Variants in MACROD2 observed in about 807,000 individuals in gnomAD.
The protein encoded by MACROD2 is ADP-ribose glycohydrolase MACROD2.
In MACROD2, 36 loss-of-function variants were observed where a neutral mutation model predicts 70.4. The ratio of observed to expected loss-of-function variants is 0.51; its 90% CI spans 0.39 to 0.68. The LOEUF is 0.68. Among genes scored for constraint, MACROD2 ranks in the 30% least tolerant of loss-of-function variants. The pLI is 0.00. For synonymous variants in MACROD2, 172 were observed against 178.8 expected, an observed-to-expected ratio of 0.96 and a Z score of 0.30; for missense variants, 496 against 538.4, an observed-to-expected ratio of 0.92 and a Z score of 0.78.
At chr20:14,611,928 A>G (rs895930203) in intron 4 of MACROD2, among the ~76,000 whole-genome samples, 1 of 152,178 alleles carries the variant, frequency 6.6e-6, no homozygotes, top group Non-Finnish European at 1.5e-5. Flanking sequence ...TCAGGTACTC[A>G]TCTAACATTT....
At chr20:14,048,625 C>T (rs544862810) in intron 2 of MACROD2, among the ~76,000 whole-genome samples, 45 of 152,122 alleles carry the variant, frequency 3.0e-4, no homozygotes, top group African/African-American at 1.0e-3. Flanking sequence ...TTCCGAAGGA[C>T]TGTGAGCCTA....
chr20:15,353,419 A>G (rs954067058), intron 6 of MACROD2, among the ~76,000 whole-genome samples: 1 of 152,146 alleles, frequency 6.6e-6, no homozygotes, highest in Non-Finnish European at 1.5e-5. Context: ...AACCTAGGCA[A>G]TACCATTCAG....
intron 4 of MACROD2, among the ~76,000 whole-genome samples, chr20:14,533,048 A>G (rs1600350776): frequency 6.6e-6 from 1 of 152,180 alleles, no homozygotes; most frequent in African/African-American, 2.4e-5. Context: ...GCTGGGTGCC[A>G]TGTAATAACC....
At chr20:14,022,482 G>A (rs3842962) in intron 2 of MACROD2, among the ~76,000 whole-genome samples, 112,062 of 149,554 alleles carry the variant, frequency 0.75, 42,900 homozygotes, top group South Asian at 0.84. Flanking sequence ...TCTGGGATAC[G>A]TGTGCAGAAC....
At chr20:15,138,736 A>G (rs1348333035) in intron 5 of MACROD2, among the ~76,000 whole-genome samples, 1 of 152,194 alleles carries the variant, frequency 6.6e-6, no homozygotes, top group Admixed American at 6.5e-5. Flanking sequence ...CATAATTTGC[A>G]TAAAGTCATA....
chr20:15,852,016 A>C (rs533816198), intron 8 of MACROD2, among the ~76,000 whole-genome samples: 1 of 152,318 alleles, frequency 6.6e-6, no homozygotes, highest in South Asian at 2.1e-4. Context: ...ATCTCTTTGG[A>C]TACAAGGGCA....
intron 6 of MACROD2, among the ~76,000 whole-genome samples, chr20:15,406,083 G>T (rs1232900029): frequency 6.6e-6 from 1 of 151,948 alleles, no homozygotes; most frequent in Admixed American, 6.6e-5. Flanking sequence ...TTTCCCCTCT[G>T]GCCTTGACAG....
intron 5 of MACROD2, among the ~76,000 whole-genome samples, chr20:15,156,091 GTTGTTAACC>G: frequency 6.6e-6 from 1 of 152,178 alleles, no homozygotes; most frequent in East Asian, 1.9e-4. Flanking sequence ...TAAGGTCCAA[GTTGTTAACC>G]TTATCTCACT....
intron 8 of MACROD2, among the ~76,000 whole-genome samples, chr20:15,717,145 ACT>A (rs1373344941): frequency 8.5e-5 from 13 of 152,124 alleles, no homozygotes; most frequent in Admixed American, 8.5e-4. Context: ...AAAAATTAAA[ACT>A]CTCATTTCTT....
At position 15,730,785 on chromosome 20, in the gene MACROD2, A is replaced by G. The variant is rs1300859081; in HGVS notation, c.646-131960A>G. On this transcript the variant is annotated intron_variant, in intron 8 of 17. Transcript: ENST00000684519. ...AGGATATCTTTAAATATGTTTTTCA[A>G]GTTGCTTGCTGTCTCTTCCTCTCTT... Among the ~76,000 whole-genome samples, 25 of 150,520 alleles carry G rather than the reference A, an allele frequency of 1.7e-4. No individual in the cohort carries two copies. The Admixed American group carries it at 1.7e-3, about 10-fold the overall frequency.
intron 3 of MACROD2, among the ~76,000 whole-genome samples, chr20:14,434,769 A>G (rs1294045384): frequency 2.6e-5 from 4 of 152,148 alleles, no homozygotes. Context: ...ACTCCTTGAA[A>G]TGGTTGCCAA....
intron 8 of MACROD2, among the ~76,000 whole-genome samples, chr20:15,789,351 C>T (rs891991585): frequency 2.6e-5 from 4 of 152,088 alleles, no homozygotes; most frequent in Non-Finnish European, 5.9e-5. Context: ...TTAATTACGG[C>T]GGCACATGAT....
rs1423223643 is a variant in MACROD2 at position 15,869,236 on chromosome 20, T to TAG, written c.727+6411_727+6412insGA. Among the ~76,000 whole-genome samples the TAG allele has an allele frequency of 5.7e-3, 192 of 33,436 alleles. 1 individual carries two copies. Among genetic ancestry groups the TAG allele is most frequent in the Non-Finnish European group, 9.3e-3 (121 of 13,010 alleles). The allele number at this position is 33,436 out of a possible 152,430, so 21.9% of individuals were successfully genotyped here. A position where few individuals can be genotyped will look rare whatever the true frequency, so the allele number is the denominator to read the frequency against. On this transcript the variant is annotated intron_variant, in intron 9 of 17. Transcript: ENST00000684519. ...ATATATATATATATATATATATATA[T>TAG]ATAGAGAGAGAGAGAGAGAGAGAGA... is the stretch of plus-strand genomic sequence containing the variant.
chr20:15,391,047 A>G (rs977902449), intron 6 of MACROD2, among the ~76,000 whole-genome samples: 4 of 152,198 alleles, frequency 2.6e-5, no homozygotes, highest in African/African-American at 9.7e-5. Context: ...AAACAACGAG[A>G]GAGCTGGATG....
At chr20:15,756,766 T>A (rs1348541668) in intron 8 of MACROD2, among the ~76,000 whole-genome samples, 2 of 152,208 alleles carry the variant, frequency 1.3e-5, no homozygotes, top group African/African-American at 4.8e-5. Context: ...TTAGAAATGT[T>A]TAATGTCTAT....
intron 8 of MACROD2, among the ~76,000 whole-genome samples, chr20:15,755,845 A>C (rs2051339951): frequency 6.6e-6 from 1 of 152,158 alleles, no homozygotes; most frequent in Admixed American, 6.5e-5. Context: ...ATACTGAATT[A>C]ATATTTATTG....
intron 5 of MACROD2, among the ~76,000 whole-genome samples, chr20:14,871,743 A>G (rs1331074468): frequency 1.3e-5 from 2 of 152,136 alleles, no homozygotes; most frequent in Admixed American, 6.6e-5. Flanking sequence ...GGATAAAGAA[A>G]GAAGATCATA....
chr20:14,322,923 C>T (rs1213978193), intron 3 of MACROD2: 1 of 152,112 alleles, frequency 6.6e-6, no homozygotes, highest in Non-Finnish European at 1.5e-5. Context: ...TTTTTAATTG[C>T]ATACCTAAGT....
intron 5 of MACROD2, among the ~76,000 whole-genome samples, chr20:14,978,884 AATATATATATTATATAATATATT>A (rs2074769240): frequency 8.5e-5 from 1 of 11,828 alleles, no homozygotes; most frequent in Admixed American, 1.2e-3. Context: ...TAATATATAA[AATATATATATTATATAATATATT>A]ATATATAATA....
Sources: gnomAD v4.1 joint callset for allele counts (sites outside exome capture counted in the v4.1 genomes callset) on GRCh38, gnomAD v4.1.1 for gene constraint, MANE v1.5 for transcripts, NCBI Gene and HGNC (gene_info 2026-07-23, HGNC 2026-07-21) for gene names.